RFX3: variants seen among roughly 807,000 people sequenced by gnomAD.
RFX3 encodes the protein transcription factor RFX3.
In RFX3, 14 loss-of-function variants were observed where a neutral mutation model predicts 98.6. That is an observed-to-expected ratio of 0.14 (90% CI 0.09 to 0.22). The LOEUF (loss-of-function observed/expected upper bound fraction) is 0.22, where lower values mean the gene tolerates loss of function less well. Ranked by LOEUF, RFX3 falls within the 10% of genes least tolerant of loss-of-function variation. RFX3 has a pLI of 1.00. For synonymous variants in RFX3, 383 were observed against 328.4 expected (o/e 1.17, Z -1.80); for missense variants, 639 against 926.9 (o/e 0.69, Z 4.03).
At chr9:3,429,776 T>C (rs899124717) in intron 1 of RFX3, among the ~76,000 whole-genome samples, 4 of 152,218 alleles carry the variant, frequency 2.6e-5, no homozygotes, top group African/African-American at 9.6e-5. Flanking sequence ...AGATGTATCT[T>C]AGCGGCTGCT....
chr9:3,387,445 T>C lies in RFX3; in HGVS notation c.117+8027A>G, dbSNP rs184624858. On this transcript the variant is annotated intron_variant, in intron 2 of 16. Coordinates refer to ENST00000617270, the MANE Select transcript of RFX3 (RefSeq NM_001282116.2). The stretch of plus-strand genomic sequence containing the variant: ...AACTACTTAAATAGTAGAGCTCTCA[T>C]TTTTTAACTATTCAGTAGAGATGGT... Among the ~76,000 whole-genome samples, 115 of 152,256 alleles carry C rather than the reference T, an allele frequency of 7.6e-4. 1 individual carries two copies. Among genetic ancestry groups the C allele is most frequent in the African/African-American group, 2.7e-3 (113 of 41,558 alleles).
intron 1 of RFX3, among the ~76,000 whole-genome samples, chr9:3,476,588 G>A (rs1849275426): frequency 6.6e-6 from 1 of 152,160 alleles, no homozygotes; most frequent in Non-Finnish European, 1.5e-5. Context: ...ATAAGGTAGT[G>A]ATGCATTCAT....
chr9:3,331,345 C>T (rs1832580489), intron 3 of RFX3, among the ~76,000 whole-genome samples: 1 of 152,084 alleles, frequency 6.6e-6, no homozygotes, highest in South Asian at 2.1e-4. Context: ...TTATTTGATT[C>T]ATCTATTTTT....
chr9:3,463,671 G>GT (rs904095920), intron 1 of RFX3, among the ~76,000 whole-genome samples: 5 of 151,724 alleles, frequency 3.3e-5, no homozygotes, highest in African/African-American at 7.3e-5. Context: ...ACAAAGAACT[G>GT]TTTTTTTTAA....
At chr9:3,230,820 A>G (rs1352699467) in intron 15 of RFX3, among the ~76,000 whole-genome samples, 2 of 152,198 alleles carry the variant, frequency 1.3e-5, no homozygotes, top group African/African-American at 4.8e-5. Flanking sequence ...AGTTGTTTGT[A>G]GTTAAGTTAT....
intron 3 of RFX3, among the ~76,000 whole-genome samples, chr9:3,339,884 C>G (rs988225075): frequency 1.3e-5 from 2 of 151,986 alleles, no homozygotes; most frequent in African/African-American, 4.8e-5. Context: ...ACTTTCTTCA[C>G]AGAATTGGAA....
At chr9:3,352,327 T>C (rs1835246342) in intron 2 of RFX3, among the ~76,000 whole-genome samples, 1 of 151,962 alleles carries the variant, frequency 6.6e-6, no homozygotes, top group Admixed American at 6.6e-5. Flanking sequence ...AATAGAAGGA[T>C]ATACACCAAA....
At chr9:3,260,748 G>T (rs929119019) in intron 13 of RFX3, among the ~76,000 whole-genome samples, 3 of 151,378 alleles carry the variant, frequency 2.0e-5, no homozygotes, top group Non-Finnish European at 4.4e-5. Flanking sequence ...GTTTTGTAAA[G>T]CTGAGAAACT....
chr9:3,449,462 A>G (rs909359477), intron 1 of RFX3, among the ~76,000 whole-genome samples: 6 of 152,112 alleles, frequency 3.9e-5, no homozygotes, highest in African/African-American at 1.4e-4. Context: ...TCTTTTCCTC[A>G]TTGGTGCTGT....
chr9:3,249,545 AT>A (rs1358183548), intron 14 of RFX3, among the ~76,000 whole-genome samples: 2 of 152,200 alleles, frequency 1.3e-5, no homozygotes, highest in Non-Finnish European at 1.5e-5. Context: ...GATTGTGATT[AT>A]AATACACAGA....
At chr9:3,369,677 C>G (rs1265844732) in intron 2 of RFX3, among the ~76,000 whole-genome samples, 2 of 152,192 alleles carry the variant, frequency 1.3e-5, no homozygotes, top group Non-Finnish European at 2.9e-5. Flanking sequence ...CAGATAATTA[C>G]TTAAAGAATA....
At chr9:3,385,979 C>T (rs974000392) in intron 2 of RFX3, among the ~76,000 whole-genome samples, 5 of 151,976 alleles carry the variant, frequency 3.3e-5, no homozygotes, top group South Asian at 2.1e-4. Context: ...TTTTTTCAAA[C>T]GACTGATGAC....
At position 3,519,596 on chromosome 9, in the gene RFX3, T is replaced by A. The variant is rs80068990; in HGVS notation, c.-9+6151A>T. On this transcript the variant is annotated intron_variant, in intron 1 of 16. Coordinates refer to ENST00000617270, the MANE Select transcript of RFX3 (RefSeq NM_001282116.2). ...ACAAAACCCCATAAGGCAGGGAAGATTGATCCTATTTTTCAAATGAGAAAA... is the reference window on the plus strand; with the variant it reads ...ACAAAACCCCATAAGGCAGGGAAGAATGATCCTATTTTTCAAATGAGAAAA... Among the ~76,000 whole-genome samples the A allele has an allele frequency of 1.5e-4, 23 of 152,248 alleles. No individual in the cohort carries two copies. The East Asian group carries it at 4.4e-3, about 29-fold the overall frequency.
chr9:3,519,424 G>C, intron 1 of RFX3, among the ~76,000 whole-genome samples: 1 of 152,124 alleles, frequency 6.6e-6, no homozygotes, highest in East Asian at 1.9e-4. Context: ...CATTAAAAAA[G>C]GGATGGTCAA....
At chr9:3,251,462 C>T (rs904219123) in intron 14 of RFX3, among the ~76,000 whole-genome samples, 5 of 151,892 alleles carry the variant, frequency 3.3e-5, no homozygotes, top group African/African-American at 1.2e-4. Flanking sequence ...ATCTTACGCT[C>T]CTCACCTCCC....
At chr9:3,514,992 G>C (rs542222342) in intron 1 of RFX3, among the ~76,000 whole-genome samples, 1 of 152,108 alleles carries the variant, frequency 6.6e-6, no homozygotes, top group Non-Finnish European at 1.5e-5. Flanking sequence ...ACTGTCATTA[G>C]ATATAATCAG....
intron 4 of RFX3, among the ~76,000 whole-genome samples, chr9:3,321,807 A>G (rs1285358360): frequency 3.3e-5 from 5 of 152,154 alleles, no homozygotes; most frequent in Non-Finnish European, 5.9e-5. Context: ...TAATTTTGAT[A>G]TAAAGACTAA....
intron 1 of RFX3, among the ~76,000 whole-genome samples, chr9:3,417,847 G>A (rs922162635): frequency 6.6e-6 from 1 of 152,064 alleles, no homozygotes. Context: ...AAACAGTTCC[G>A]GGAAGAACAT....
chr9:3,253,613 G>A (rs527697), intron 14 of RFX3, among the ~76,000 whole-genome samples: 115,361 of 152,020 alleles, frequency 0.76, 45,912 homozygotes, highest in Non-Finnish European at 0.87. Flanking sequence ...GGCAAGGAGA[G>A]AGCCCCCATT....
Sources: gnomAD v4.1 joint callset for allele counts (sites outside exome capture counted in the v4.1 genomes callset) on GRCh38, gnomAD v4.1.1 for gene constraint, MANE v1.5 for transcripts, NCBI Gene and HGNC (gene_info 2026-07-23, HGNC 2026-07-21) for gene names.